The following USP37 variants were observed in gnomAD, a reference collection of about 807,000 sequenced individuals.
USP37 encodes the protein ubiquitin specific peptidase 37.
USP37 carries 27 observed loss-of-function variants against 124.0 expected under a neutral mutation model. That is an observed-to-expected ratio of 0.22 (90% CI 0.16 to 0.30). USP37 has a LOEUF of 0.30. USP37 is among the 10% of genes least tolerant of loss of function. The pLI is 1.00. For missense variants in USP37, 889 were observed against 1,140.4 expected (o/e 0.78, Z 3.17); for synonymous variants, 365 against 388.0 (o/e 0.94, Z 0.70).
chr2:218,479,498 C>A, intron 18 of USP37, 152 bp downstream of exon 18: 1 of 616,386 alleles, frequency 1.6e-6, no homozygotes, highest in Non-Finnish European at 2.8e-6. Context: ...TATTCTAAAC[C>A]AAATTCAGGA....
At chr2:218,557,484 C>A (rs148276808) in intron 4 of USP37, among the ~76,000 whole-genome samples, 1 of 151,494 alleles carries the variant, frequency 6.6e-6, no homozygotes, top group African/African-American at 2.4e-5. Context: ...CTTTGATACA[C>A]GAAATCATAG....
At chr2:218,518,448 T>C (rs1559202176) in intron 10 of USP37, among the ~76,000 whole-genome samples, 1 of 152,176 alleles carries the variant, frequency 6.6e-6, no homozygotes, top group African/African-American at 2.4e-5. Flanking sequence ...TTGCTGCATG[T>C]CTGGACACTG....
chr2:218,464,135 G>C (rs542800721), intron 21 of USP37, among the ~76,000 whole-genome samples: 1 of 152,026 alleles, frequency 6.6e-6, no homozygotes, highest in African/African-American at 2.4e-5. Flanking sequence ...GGAATTACAG[G>C]CATGAGCCAC....
chr2:218,455,999 T>C (rs925772437), intron 24 of USP37, among the ~76,000 whole-genome samples: 2 of 152,102 alleles, frequency 1.3e-5, no homozygotes, highest in Admixed American at 1.3e-4. Flanking sequence ...TGAACCGAGA[T>C]AGCACCACTG....
chr2:218,487,388 A>C (rs1347883851), intron 15 of USP37, among the ~76,000 whole-genome samples: 2 of 152,208 alleles, frequency 1.3e-5, no homozygotes, highest in Admixed American at 6.5e-5. Flanking sequence ...AGAATATGTT[A>C]CTTCAAATAC....
intron 16 of USP37, among the ~76,000 whole-genome samples, chr2:218,483,935 C>T (rs1347135688): frequency 1.3e-5 from 2 of 152,106 alleles, no homozygotes; most frequent in African/African-American, 4.8e-5. Context: ...GAGGCGGCCA[C>T]ATCACCTGAG....
intron 8 of USP37, among the ~76,000 whole-genome samples, chr2:218,543,820 CAAA>C (rs202219029): frequency 0.024 from 3,653 of 151,366 alleles, 142 homozygotes; most frequent in African/African-American, 0.084. Flanking sequence ...AAACAAAAAA[CAAA>C]AAACAAACAA....
At chr2:218,535,585 A>T (rs1046539267) in intron 8 of USP37, among the ~76,000 whole-genome samples, 2 of 150,354 alleles carry the variant, frequency 1.3e-5, no homozygotes, top group South Asian at 4.2e-4. Context: ...GGCTGGATGC[A>T]GTGGCTCACA....
intron 11 of USP37, among the ~76,000 whole-genome samples, chr2:218,509,769 A>G (rs1184771432): frequency 2.6e-5 from 4 of 152,168 alleles, no homozygotes; most frequent in Non-Finnish European, 5.9e-5. Context: ...TTTAAAATGA[A>G]TATTATATAT....
chr2:218,562,265 C>T (rs1693352000), intron 2 of USP37, among the ~76,000 whole-genome samples: 1 of 152,100 alleles, frequency 6.6e-6, no homozygotes, highest in Admixed American at 6.6e-5. Context: ...TTCCTATGAA[C>T]CTAAGACAAA....
chr2:218,504,689 C>A (rs1689587933), intron 11 of USP37, among the ~76,000 whole-genome samples: 1 of 152,160 alleles, frequency 6.6e-6, no homozygotes, highest in African/African-American at 2.4e-5. Context: ...CCCATTTCAG[C>A]CTCCCAAAGC....
intron 20 of USP37, among the ~76,000 whole-genome samples, chr2:218,471,890 T>C (rs1690710195): frequency 6.6e-6 from 1 of 151,374 alleles, no homozygotes; most frequent in Admixed American, 6.6e-5. Flanking sequence ...ATTAGCTGGG[T>C]GTGGTGGCGG....
chr2:218,502,643 C>T (rs1168379609), intron 11 of USP37, among the ~76,000 whole-genome samples: 3 of 152,002 alleles, frequency 2.0e-5, no homozygotes, highest in African/African-American at 7.2e-5. Context: ...AAATTAGCAA[C>T]GAAGAGAAAA....
At chr2:218,542,338 C>T (rs573103975) in intron 8 of USP37, among the ~76,000 whole-genome samples, 25 of 152,298 alleles carry the variant, frequency 1.6e-4, no homozygotes, top group African/African-American at 6.0e-4. Flanking sequence ...GTTTAACAGA[C>T]AGACTTCTAA....
rs549898739 is a variant in USP37, at chr2:218,529,463, G to A, written c.863+493C>T. On this transcript the variant is annotated intron_variant, in intron 10 of 25. Transcript: ENST00000258399. ...CTATCCAGCCTGGGTGACAGGGCGA[G>A]ACTTGGTCTCAAACAAAAAAAAAAA... Among the ~76,000 whole-genome samples, 172 of 135,552 alleles carry A rather than the reference G, an allele frequency of 1.3e-3. 2 individuals carry two copies. The highest frequency in any genetic ancestry group is 0.012 in the Admixed American group (148 of 12,546). 88.9% of individuals were successfully genotyped at this position (135,552 alleles called of 152,430 possible).
At chr2:218,534,484 G>T in intron 9 of USP37, 125 bp downstream of exon 9, 1 of 406,224 alleles carries the variant, frequency 2.5e-6, no homozygotes, top group Non-Finnish European at 3.7e-6. Context: ...GCAAGACTCC[G>T]TCTCAAAAAA....
At chr2:218,496,603 T>TAAAA (rs1689092977) in intron 13 of USP37, among the ~76,000 whole-genome samples, 1 of 486 alleles carries the variant, frequency 2.1e-3, no homozygotes, top group Admixed American at 0.024. Flanking sequence ...AAATCTATAT[T>TAAAA]TGAAGAGTCA....
intron 10 of USP37, among the ~76,000 whole-genome samples, chr2:218,522,158 G>A (rs756409330): frequency 5.3e-5 from 8 of 151,698 alleles, no homozygotes; most frequent in Non-Finnish European, 1.0e-4. Flanking sequence ...ATTTATAGGG[G>A]TGAGTCACCA....
At chr2:218,468,318 C>T (rs1487412414) in intron 20 of USP37, among the ~76,000 whole-genome samples, 1 of 151,968 alleles carries the variant, frequency 6.6e-6, no homozygotes, top group Admixed American at 6.6e-5. Flanking sequence ...AATTCTCCTG[C>T]CTCAGCCTCC....
Sources: gnomAD v4.1 joint callset for allele counts (sites outside exome capture counted in the v4.1 genomes callset) on GRCh38, gnomAD v4.1.1 for gene constraint, MANE v1.5 for transcripts, NCBI Gene and HGNC (gene_info 2026-07-23, HGNC 2026-07-21) for gene names.